RFTN2: variants seen among roughly 807,000 people sequenced by gnomAD.
The protein encoded by RFTN2 is raftlin family member 2.
Under a neutral mutation model 52.7 loss-of-function variants are expected in RFTN2, and 34 were observed. That is an observed-to-expected ratio of 0.64 (90% CI 0.49 to 0.86). RFTN2 has a LOEUF of 0.86. RFTN2 is among the 40% of genes least tolerant of loss of function. The probability of loss-of-function intolerance (pLI) is 0.00; values close to 1 mark genes in which losing one functional copy is unlikely to be tolerated. For missense variants in RFTN2, 536 were observed against 600.1 expected (o/e 0.89, Z 1.12); for synonymous variants, 203 against 217.7 (o/e 0.93, Z 0.59).
intron 8 of RFTN2, among the ~76,000 whole-genome samples, chr2:197,583,283 C>T (rs569218882): frequency 6.6e-6 from 1 of 152,304 alleles, no homozygotes; most frequent in Non-Finnish European, 1.5e-5. Flanking sequence ...TACTCACATA[C>T]CCCGAGTCAG....
intron 5 of RFTN2, among the ~76,000 whole-genome samples, chr2:197,628,051 T>C (rs1329655637): frequency 2.0e-5 from 3 of 152,068 alleles, no homozygotes; most frequent in African/African-American, 7.2e-5. Context: ...ATATGCATTG[T>C]CTGCCCCCAC....
chr2:197,608,802 G>T (rs2088006965), intron 7 of RFTN2, among the ~76,000 whole-genome samples: 1 of 151,584 alleles, frequency 6.6e-6, no homozygotes, highest in Admixed American at 6.6e-5. Context: ...CCCACAACAG[G>T]CCCCAGTGTG....
chr2:197,617,324 C>T (rs571036855), intron 6 of RFTN2, among the ~76,000 whole-genome samples: 1 of 152,292 alleles, frequency 6.6e-6, no homozygotes, highest in South Asian at 2.1e-4. Context: ...CTTGCAAAAA[C>T]ATTTAACACT....
chr2:197,674,671 G>T (rs1194149447), intron 1 of RFTN2, among the ~76,000 whole-genome samples: 2 of 152,098 alleles, frequency 1.3e-5, no homozygotes, highest in Non-Finnish European at 2.9e-5. Flanking sequence ...GAGCCACCTC[G>T]ATTCCTTCCA....
intron 7 of RFTN2, among the ~76,000 whole-genome samples, chr2:197,600,565 A>AG (rs1345686943): frequency 2.0e-5 from 3 of 152,132 alleles, no homozygotes; most frequent in African/African-American, 7.2e-5. Flanking sequence ...CTATTTGGTA[A>AG]AGCAAGTAAG....
At chr2:197,656,465 T>C (rs921721643) in intron 1 of RFTN2, among the ~76,000 whole-genome samples, 2 of 152,210 alleles carry the variant, frequency 1.3e-5, no homozygotes, top group Non-Finnish European at 2.9e-5. Context: ...ATTAACTTCA[T>C]AGAGTTATTG....
rs564915848 is a variant in RFTN2, at chr2:197,619,445, C to T, written c.929-1524G>A. Among the ~76,000 whole-genome samples, 16 of 152,172 alleles carry T rather than the reference C, an allele frequency of 1.1e-4. No homozygotes were observed. The South Asian group carries it at 1.9e-3, about 18-fold the overall frequency. On this transcript the variant is annotated intron_variant, in intron 5 of 8. Coordinates refer to ENST00000295049, the MANE Select transcript of RFTN2 (RefSeq NM_144629.3). ...ATCCTGTTGATTGGTGACCTTACCC[C>T]CAACCCTGTGCTCTCTGAAACATGT...
At chr2:197,594,041 G>A (rs1168253171) in intron 8 of RFTN2, among the ~76,000 whole-genome samples, 2 of 125,692 alleles carry the variant, frequency 1.6e-5, no homozygotes, top group African/African-American at 6.2e-5. Flanking sequence ...TTTTGAGACA[G>A]AGTCTCACCC....
intron 5 of RFTN2, among the ~76,000 whole-genome samples, chr2:197,629,460 G>C (rs1193998849): frequency 2.0e-5 from 3 of 152,016 alleles, no homozygotes; most frequent in Non-Finnish European, 4.4e-5. Context: ...CAGGGGGATG[G>C]GGGAGGGATA....
At chr2:197,613,197 T>C (rs1325138640) in intron 7 of RFTN2, among the ~76,000 whole-genome samples, 1 of 152,334 alleles carries the variant, frequency 6.6e-6, no homozygotes. Context: ...GAACATTGGT[T>C]TCAACTTATC....
At chr2:197,637,054 G>T (rs1487276409) in intron 3 of RFTN2, among the ~76,000 whole-genome samples, 2 of 151,062 alleles carry the variant, frequency 1.3e-5, no homozygotes, top group East Asian at 3.9e-4. Flanking sequence ...ATTGATTTGT[G>T]TATATTGAAC....
At chr2:197,644,363 C>G (rs1186298883) in intron 2 of RFTN2, 91 bp from the exon 3 acceptor site, 1 of 712,424 alleles carries the variant, frequency 1.4e-6, no homozygotes, top group Non-Finnish European at 2.5e-6. Flanking sequence ...AACTCACAAA[C>G]AGGGTCAAGG....
chr2:197,673,040 C>G (rs965669375), intron 1 of RFTN2, among the ~76,000 whole-genome samples: 4 of 152,132 alleles, frequency 2.6e-5, no homozygotes, highest in African/African-American at 9.7e-5. Flanking sequence ...GGGTCTCCTC[C>G]TCCTGCCCCC....
chr2:197,631,018 T>C lies in RFTN2; in HGVS notation c.921A>G (p.Thr307=). Residue 307 remains threonine, a synonymous_variant, in exon 5 of 9, where the codon ACA becomes ACG. Transcript: ENST00000295049. ...SLIDSFVFWE[T]SKGEHLPKSL... Reference sequence around the variant, plus strand: ...CATTAACATAAAACTTACCTTTAGATGTTTCCCAGAATACAAAAGAATCAA... The same window carrying C: ...CATTAACATAAAACTTACCTTTAGACGTTTCCCAGAATACAAAAGAATCAA... 1.9e-6 allele frequency: 3 copies of C among 1,590,002 alleles called. No homozygotes were observed. Among genetic ancestry groups the C allele is most frequent in the Non-Finnish European group, 2.6e-6 (3 of 1,159,796 alleles).
At chr2:197,574,898 CAAAA>C (rs1314231883) in intron 8 of RFTN2, among the ~76,000 whole-genome samples, 3 of 121,922 alleles carry the variant, frequency 2.5e-5, no homozygotes, top group Admixed American at 2.4e-4. Context: ...AACAAACAAA[CAAAA>C]AACAACTTTG....
intron 7 of RFTN2, among the ~76,000 whole-genome samples, chr2:197,614,358 C>T (rs183112686): frequency 2.6e-5 from 4 of 152,208 alleles, no homozygotes; most frequent in Admixed American, 1.3e-4. Flanking sequence ...GAGAGGAGAT[C>T]GGCTGCTGGA....
intron 7 of RFTN2, among the ~76,000 whole-genome samples, chr2:197,605,820 G>C (rs1271877139): frequency 6.6e-6 from 1 of 151,990 alleles, no homozygotes; most frequent in African/African-American, 2.4e-5. Flanking sequence ...TTCCAAGTTA[G>C]CCCTATCTGC....
intron 8 of RFTN2, among the ~76,000 whole-genome samples, chr2:197,575,679 T>C (rs1345076275): frequency 6.8e-6 from 1 of 146,040 alleles, no homozygotes; most frequent in African/African-American, 2.5e-5. Flanking sequence ...ATGGGAGGAT[T>C]ACTTGGGCCT....
At chr2:197,590,060 A>G (rs2087676978) in intron 8 of RFTN2, among the ~76,000 whole-genome samples, 1 of 132,552 alleles carries the variant, frequency 7.5e-6, no homozygotes, top group South Asian at 2.4e-4. Context: ...CGTGTGCGCC[A>G]CCATGCCCAG....
Sources: gnomAD v4.1 joint callset for allele counts (sites outside exome capture counted in the v4.1 genomes callset) on GRCh38, gnomAD v4.1.1 for gene constraint, MANE v1.5 for transcripts, NCBI Gene and HGNC (gene_info 2026-07-23, HGNC 2026-07-21) for gene names.